The following TRAPPC12 variants were observed in gnomAD, a reference collection of about 807,000 sequenced individuals.
TRAPPC12 encodes TPR repeat protein 15.
Under a neutral mutation model 69.2 loss-of-function variants are expected in TRAPPC12, and 61 were observed. That is an observed-to-expected ratio of 0.88 (90% CI 0.72 to 1.09). TRAPPC12 has a LOEUF of 1.09. Among genes scored for constraint, TRAPPC12 ranks in the 50% least tolerant of loss-of-function variants. The pLI is 0.00. For missense variants in TRAPPC12, 1,101 were observed against 1,016.4 expected (o/e 1.08, Z -1.13); for synonymous variants, 469 against 438.9 (o/e 1.07, Z -0.86).
chr2:3,388,855 A>G, intron 2 of TRAPPC12, 185 bp downstream of exon 2: 1 of 585,414 alleles, frequency 1.7e-6, no homozygotes, highest in Non-Finnish European at 2.9e-6. Context: ...CCCCAACAGA[A>G]CATATTTAAT....
chr2:3,421,860 A>C (rs1463477620), intron 3 of TRAPPC12, 21 bp from the exon 4 acceptor site: 2 of 1,607,174 alleles, frequency 1.2e-6, no homozygotes, highest in African/African-American at 2.7e-5. Context: ...GTTTGGTCAC[A>C]TGTTCTGCCG....
At chr2:3,433,259 T>C (rs545679186) in intron 5 of TRAPPC12, among the ~76,000 whole-genome samples, 1 of 152,202 alleles carries the variant, frequency 6.6e-6, no homozygotes, top group South Asian at 2.1e-4. Context: ...GGGAAATAAA[T>C]ACAAAGCAGT....
chr2:3,387,661 C>T lies in TRAPPC12; in HGVS notation c.38C>T (p.Pro13Leu), dbSNP rs970595253. The change falls in exon 2 of 12, where the codon CCG becomes CTG. Residue 13 changes from proline (P) to leucine (L), a missense_variant. Pro to Leu is a moderately conservative substitution (Grantham distance 98, BLOSUM62 -3). Transcript: ENST00000324266. ...GGCGGCGGCGAGGAGACCCCGGCCC[C>T]GGAGGCCCCGCACCCCCCTCAGCTC... ...DAGGGEETPA[P>L]EAPHPPQLAP... 5 of 1,549,316 alleles carry T rather than the reference C, an allele frequency of 3.2e-6. No individual in the cohort carries two copies. In the Admixed American group the frequency reaches 7.9e-5, roughly 24 times the overall value.
chr2:3,434,229 G>A lies in TRAPPC12; in HGVS notation c.1418-9550G>A, dbSNP rs554873322. On this transcript the variant is annotated intron_variant, in intron 5 of 11. Coordinates refer to ENST00000324266, the MANE Select transcript of TRAPPC12 (RefSeq NM_016030.6). ...TGCAGGCCCTCCTGCGCAGCGCTAG[G>A]AGCTGCTGAGTAAATGTCAGCTCAG... 1.2e-3 allele frequency among the ~76,000 whole-genome samples: 183 copies of A among 152,314 alleles called. 1 individual carries two copies. The highest frequency in any genetic ancestry group is 4.2e-3 in the African/African-American group (175 of 41,566).
chr2:3,451,011 C>T (rs988180915), intron 6 of TRAPPC12, among the ~76,000 whole-genome samples: 9 of 152,168 alleles, frequency 5.9e-5, no homozygotes, highest in African/African-American at 1.7e-4. Context: ...TCCTGGATAA[C>T]TGCATAGGAT....
intron 6 of TRAPPC12, among the ~76,000 whole-genome samples, chr2:3,447,477 A>C (rs1455864032): frequency 6.6e-6 from 1 of 152,146 alleles, no homozygotes; most frequent in Non-Finnish European, 1.5e-5. Context: ...AGAGAAGAGG[A>C]GGAGGAGGGA....
At chr2:3,435,075 C>T (rs370685249) in intron 5 of TRAPPC12, among the ~76,000 whole-genome samples, 3 of 152,302 alleles carry the variant, frequency 2.0e-5, no homozygotes, top group South Asian at 2.1e-4. Context: ...TGCAGTGGTG[C>T]GATCTCGGCT....
chr2:3,409,850 T>A (rs1319988339), intron 3 of TRAPPC12, among the ~76,000 whole-genome samples: 1 of 150,946 alleles, frequency 6.6e-6, no homozygotes, highest in East Asian at 1.9e-4. Flanking sequence ...ACATCTAAAT[T>A]AGAGATGAAG....
At chr2:3,408,732 CAT>C (rs1163575197) in intron 3 of TRAPPC12, among the ~76,000 whole-genome samples, 1 of 152,156 alleles carries the variant, frequency 6.6e-6, no homozygotes, top group Non-Finnish European at 1.5e-5. Flanking sequence ...AAAACTTGTA[CAT>C]GTGTGTAAAA....
At chr2:3,464,957 G>A (rs1172698857) in intron 8 of TRAPPC12, among the ~76,000 whole-genome samples, 1 of 152,230 alleles carries the variant, frequency 6.6e-6, no homozygotes, top group Non-Finnish European at 1.5e-5. Context: ...GAAACCAGAT[G>A]CCCTGAGCAC....
intron 8 of TRAPPC12, among the ~76,000 whole-genome samples, chr2:3,461,148 G>A (rs1256754165): frequency 6.6e-6 from 1 of 152,232 alleles, no homozygotes; most frequent in Non-Finnish European, 1.5e-5. Context: ...GGCAGAGCAG[G>A]CAATTTACCA....
At chr2:3,420,910 C>T (rs1327257562) in intron 3 of TRAPPC12, among the ~76,000 whole-genome samples, 1 of 152,208 alleles carries the variant, frequency 6.6e-6, no homozygotes, top group Non-Finnish European at 1.5e-5. Context: ...AAGCGCTTGG[C>T]ATGCACACAA....
chr2:3,441,679 AAT>A (rs1193072038), intron 5 of TRAPPC12, among the ~76,000 whole-genome samples: 2 of 148,702 alleles, frequency 1.3e-5, no homozygotes, highest in African/African-American at 4.9e-5. Flanking sequence ...CTTATAATAA[AAT>A]ATTTTATTTT....
At chr2:3,477,598 G>T in intron 9 of TRAPPC12, 97 bp from the exon 10 acceptor site, 1 of 634,206 alleles carries the variant, frequency 1.6e-6, no homozygotes, top group Non-Finnish European at 2.6e-6. Flanking sequence ...ACATATAAAT[G>T]TCTTCATATT....
rs1662801053 is a variant in TRAPPC12, at chr2:3,421,764, T to C, written c.1165-117T>C. On this transcript the variant is annotated intron_variant, in intron 3 of 11. Coordinates refer to ENST00000324266, the MANE Select transcript of TRAPPC12 (RefSeq NM_016030.6). ...TGACGTTGTCACCATTACTAACGGC[T>C]GGCTGGCGCTGCTTCCAGCAAGGTG... is the stretch of plus-strand genomic sequence containing the variant. The C allele has an allele frequency of 8.8e-6, 8 of 904,988 alleles. No individual in the cohort carries two copies. The South Asian group carries it at 9.8e-5, about 11-fold the overall frequency. 56.1% of individuals were successfully genotyped at this position (904,988 alleles called of 1,614,324 possible).
intron 3 of TRAPPC12, among the ~76,000 whole-genome samples, chr2:3,415,302 A>G (rs1205182699): frequency 6.6e-6 from 1 of 152,138 alleles, no homozygotes; most frequent in Non-Finnish European, 1.5e-5. Context: ...GTGTTGGCTG[A>G]TTTTCCCAAC....
chr2:3,382,130 C>CTT lies in TRAPPC12; in HGVS notation c.-5+2276_-5+2277dup, dbSNP rs70938942. Among the ~76,000 whole-genome samples, 602 of 93,502 alleles carry CTT rather than the reference C, an allele frequency of 6.4e-3. 4 individuals carry two copies. Among genetic ancestry groups the CTT allele is most frequent in the Middle Eastern group, 0.017 (2 of 120 alleles). 61.3% of individuals were successfully genotyped at this position (93,502 alleles called of 152,430 possible). A position where few individuals can be genotyped will look rare whatever the true frequency, so the allele number is the denominator to read the frequency against. ...TGTCTACAGGCAGTGTTTATTTCCA[C>CTT]TTTTTTTTTTTTTTTTTTTTTTTGA... is the stretch of plus-strand genomic sequence containing the variant. On this transcript the variant is annotated intron_variant, in intron 1 of 11. Coordinates refer to ENST00000324266, the MANE Select transcript of TRAPPC12 (RefSeq NM_016030.6).
chr2:3,455,689 T>C (rs1290953136), intron 6 of TRAPPC12: 1 of 152,258 alleles, frequency 6.6e-6, no homozygotes, highest in Non-Finnish European at 1.5e-5. Flanking sequence ...GATACCATTC[T>C]TTTTTATGGC....
In TRAPPC12 at chr2:3,473,071, G is replaced by A. The variant is rs567893459; in HGVS notation, c.1777-4624G>A. On this transcript the variant is annotated intron_variant, in intron 9 of 11. Transcript: ENST00000324266. ...GATTCTACAAGGACAGAGAAGGAAG[G>A]CAAGGTCAAGCTTGTCTGGTAGAGG... Among the ~76,000 whole-genome samples, 209 of 152,214 alleles carry A rather than the reference G, an allele frequency of 1.4e-3. 1 individual carries two copies. Among genetic ancestry groups the A allele is most frequent in the Non-Finnish European group, 2.5e-3 (169 of 68,028 alleles).
Sources: allele counts gnomAD v4.1 joint callset (sites outside exome capture counted in the v4.1 genomes callset), GRCh38; gene constraint gnomAD v4.1.1; transcripts MANE v1.5; gene names NCBI Gene and HGNC (gene_info 2026-07-23, HGNC 2026-07-21).